Variants in PCDHB1 observed in about 807,000 individuals in gnomAD.
PCDHB1 encodes protocadherin beta-1.
In PCDHB1, 44 loss-of-function variants were observed where a neutral mutation model predicts 43.5. That is an observed-to-expected ratio of 1.01 (90% CI 0.79 to 1.30). PCDHB1 has a LOEUF of 1.30. Ranked by LOEUF, PCDHB1 falls within the 50% of genes most tolerant of loss-of-function variation. The pLI is 0.00. For synonymous variants in PCDHB1, 392 were observed against 400.8 expected (o/e 0.98, Z 0.26); for missense variants, 919 against 1,008.9 (o/e 0.91, Z 1.21).
rs782672982 is a variant in PCDHB1 at position 141,052,896 on chromosome 5, G to A, written c.1426G>A (p.Ala476Thr). Residue 476 changes from alanine to threonine, a missense_variant, in exon 1 of 1, where the codon GCT becomes ACT. By Grantham distance (58) the Ala-to-Thr change is moderately conservative. Coordinates refer to ENST00000306549, the MANE Select transcript of PCDHB1 (RefSeq NM_013340.4). Reference sequence around the variant, plus strand: ...TGCGGTTTTTATTGGCAAAGTCCATGCTGAGGATCTTGATTTGGGTGAGAA... The same window carrying A: ...TGCGGTTTTTATTGGCAAAGTCCATACTGAGGATCTTGATTTGGGTGAGAA... ...SPAVFIGKVH[A>T]EDLDLGENAQ... 6.2e-7 allele frequency: 1 copy of A among 1,614,190 alleles called. No homozygotes were observed. The highest frequency in any genetic ancestry group is 1.7e-5 in the Admixed American group (1 of 60,024).
In PCDHB1 at chr5:141,053,642, C is replaced by G; in HGVS notation, c.2172C>G (p.Phe724Leu). 6.2e-7 allele frequency: 1 copy of G among 1,614,072 alleles called. No individual in the cohort carries two copies. The highest frequency in any genetic ancestry group is 8.5e-7 in the Non-Finnish European group (1 of 1,179,956). ...VYQKIKYREK[F>L]TIQEHFYDDC... is the part of the protein sequence containing the mutation. ...AAAAGATTAAATATAGAGAAAAGTTCACAATTCAAGAGCATTTCTATGATG... is the reference window on the plus strand; with the variant it reads ...AAAAGATTAAATATAGAGAAAAGTTGACAATTCAAGAGCATTTCTATGATG... Residue 724 changes from phenylalanine to leucine, a missense_variant, in exon 1 of 1, where the codon TTC becomes TTG. Physicochemically the swap from Phe to Leu is conservative, Grantham distance 22. Transcript: ENST00000306549.
At position 141,053,751 on chromosome 5, in the gene PCDHB1, A is replaced by C; in HGVS notation, c.2281A>C (p.Thr761Pro). The C allele has an allele frequency of 6.2e-7, 1 of 1,614,236 alleles. No homozygotes were observed. The highest frequency in any genetic ancestry group is 8.5e-7 in the Non-Finnish European group (1 of 1,180,018). ...TTGTCCATATGAAATGTGTTCAGCC[A>C]CTGGCACTGGTAATAGTGAGTTTCG... The part of the protein sequence containing the change: ...RPCPYEMCSA[T>P]GTGNSEFRFL... The change falls in exon 1 of 1, where the codon ACT becomes CCT. Residue 761 changes from threonine (T) to proline (P), a missense_variant. By Grantham distance (38) the Thr-to-Pro change is conservative. Coordinates refer to ENST00000306549, the MANE Select transcript of PCDHB1 (RefSeq NM_013340.4).
chr5:141,051,519 C>T lies in PCDHB1; in HGVS notation c.49C>T (p.Leu17Phe). Residue 17 changes from leucine to phenylalanine, a missense_variant, in exon 1 of 1, where the codon CTT becomes TTT. By Grantham distance (22) the Leu-to-Phe change is conservative. Coordinates refer to ENST00000306549, the MANE Select transcript of PCDHB1 (RefSeq NM_013340.4). Reference sequence around the variant, plus strand: ...TTTGCAAAACAGGCAAGTGGGATCTCTTCTCATTTTTCTGTGCATATCTGT... The same window carrying T: ...TTTGCAAAACAGGCAAGTGGGATCTTTTCTCATTTTTCTGTGCATATCTGT... ...KSLQNRQVGSLLIFLCISVGD... is the reference protein window; with the variant it reads ...KSLQNRQVGSFLIFLCISVGD... The T allele has an allele frequency of 6.2e-7, 1 of 1,614,222 alleles. No homozygotes were observed. Among genetic ancestry groups the T allele is most frequent in the East Asian group, 2.2e-5 (1 of 44,878 alleles).
rs1457619501 is a variant in PCDHB1 at position 141,053,165 on chromosome 5, A to G, written c.1695A>G (p.Pro565=). The G allele has an allele frequency of 1.9e-6, 3 of 1,614,038 alleles. No homozygotes were observed. The highest frequency in any genetic ancestry group is 8.5e-7 in the Non-Finnish European group (1 of 1,180,034). Reference sequence around the variant, plus strand: ...ACAATCGTCCAATGATCTTATACCCACTGCAGAACGGCACCTTGCCCTGCA... The same window carrying G: ...ACAATCGTCCAATGATCTTATACCCGCTGCAGAACGGCACCTTGCCCTGCA... ...DNDNRPMILY[P]LQNGTLPCND... The change falls in exon 1 of 1, where the codon CCA becomes CCG. Residue 565 remains proline (P), a synonymous_variant. Transcript: ENST00000306549.
At position 141,052,551 on chromosome 5, in the gene PCDHB1, C is replaced by A. The variant is rs1554267271; in HGVS notation, c.1081C>A (p.Pro361Thr). Residue 361 changes from proline (P) to threonine (T), a missense_variant, in exon 1 of 1, where the codon CCA becomes ACA. Pro to Thr is a conservative substitution (Grantham distance 38, BLOSUM62 -1). Coordinates refer to ENST00000306549, the MANE Select transcript of PCDHB1 (RefSeq NM_013340.4). ...SVSSPLPEDS[P>T]PQTVVALFTI... ...GTCCAGCCCACTCCCTGAAGACTCA[C>A]CACCACAGACAGTAGTAGCCCTTTT... is the stretch of plus-strand genomic sequence containing the variant. 6.2e-7 allele frequency: 1 copy of A among 1,614,164 alleles called. No homozygotes were observed. Among genetic ancestry groups the A allele is most frequent in the South Asian group, 1.1e-5 (1 of 91,080 alleles).
rs1467799970 is a variant in PCDHB1, at chr5:141,056,175, G to A, written c.*2248G>A. On this transcript the variant is annotated 3_prime_UTR_variant, in exon 1 of 1. Transcript: ENST00000306549. ...ACATCCTCTTGGTATTTTAAGGGTA[G>A]AGCATTATCTTTTAAAATACTTCTT... 1 of 152,084 alleles carries A rather than the reference G, an allele frequency of 6.6e-6. No homozygotes were observed. Among genetic ancestry groups the A allele is most frequent in the Non-Finnish European group, 1.5e-5 (1 of 68,010 alleles). The allele number at this position is 152,084 out of a possible 1,614,324, so 9.4% of individuals were successfully genotyped here. A position where few individuals can be genotyped will look rare whatever the true frequency, so the allele number is the denominator to read the frequency against.
Position 141,058,491 on chromosome 5 carries a change from T to C in PCDHB1, c.*4564T>C, listed in dbSNP as rs2338246. 2.1e-5 allele frequency: 3 copies of C among 146,048 alleles called. No individual in the cohort carries two copies. Among genetic ancestry groups the C allele is most frequent in the African/African-American group, 4.9e-5 (2 of 40,846 alleles). 9.0% of individuals were successfully genotyped at this position (146,048 alleles called of 1,614,324 possible). A position where few individuals can be genotyped will look rare whatever the true frequency, so the allele number is the denominator to read the frequency against. On this transcript the variant is annotated 3_prime_UTR_variant, in exon 1 of 1. Coordinates refer to ENST00000306549, the MANE Select transcript of PCDHB1 (RefSeq NM_013340.4). ...CACTACTGGTGATATTAATCTTTTT[T>C]CTTTTATTGTGGTAAAGAACTTATA...
Position 141,052,976 on chromosome 5 carries a change from T to G in PCDHB1, c.1506T>G (p.Phe502Leu), listed in dbSNP as rs201337487. 21 of 1,614,204 alleles carry G rather than the reference T, an allele frequency of 1.3e-5. 1 individual carries two copies. In the African/African-American group the frequency reaches 2.1e-4, roughly 16 times the overall value. The change falls in exon 1 of 1, where the codon TTT becomes TTG. Residue 502 changes from phenylalanine to leucine, a missense_variant. Physicochemically the swap from Phe to Leu is conservative, Grantham distance 22. Coordinates refer to ENST00000306549, the MANE Select transcript of PCDHB1 (RefSeq NM_013340.4). ...CAAAAAACGGAGATCTTTCAGTCTTTGCTTACATATCCATAAATTCAGGCA... is the reference window on the plus strand; with the variant it reads ...CAAAAAACGGAGATCTTTCAGTCTTGGCTTACATATCCATAAATTCAGGCA... ...LPPKNGDLSV[F>L]AYISINSGNG...
Position 141,053,502 on chromosome 5 carries a change from A to G in PCDHB1, c.2032A>G (p.Thr678Ala). 2 of 1,614,196 alleles carry G rather than the reference A, an allele frequency of 1.2e-6. No homozygotes were observed. The highest frequency in any genetic ancestry group is 1.7e-6 in the Non-Finnish European group (2 of 1,180,032). The part of the protein sequence containing the change: ...SEPYLQFQDP[T>A]KHSRKVNPST... ...GCCCTACCTGCAGTTCCAGGATCCA[A>G]CCAAGCATTCTAGAAAGGTAAATCC... is the stretch of plus-strand genomic sequence containing the variant. Residue 678 changes from threonine (T) to alanine (A), a missense_variant, in exon 1 of 1, where the codon ACC becomes GCC. Coordinates refer to ENST00000306549, the MANE Select transcript of PCDHB1 (RefSeq NM_013340.4).
Position 141,052,229 on chromosome 5 carries a change from G to A in PCDHB1, c.759G>A (p.Glu253=), listed in dbSNP as rs137926825. The A allele has an allele frequency of 1.1e-5, 18 of 1,614,076 alleles. No homozygotes were observed. In the African/African-American group the frequency reaches 2.3e-4, roughly 20 times the overall value. Residue 253 remains glutamate, a synonymous_variant, in exon 1 of 1, where the codon GAG becomes GAA. Transcript: ENST00000306549. The stretch of plus-strand genomic sequence containing the variant: ...TGGTGTACAGAGCCCAGGTATCAGA[G>A]AACAGCCCCAATGGCTCTTTGGTGG... The part of the protein sequence containing the change: ...SRLVYRAQVS[E]NSPNGSLVAT...
rs1751120237 is a variant in PCDHB1 at position 141,055,757 on chromosome 5, T to G, written c.*1830T>G. 1 of 152,114 alleles carries G rather than the reference T, an allele frequency of 6.6e-6. No homozygotes were observed. Among genetic ancestry groups the G allele is most frequent in the East Asian group, 1.9e-4 (1 of 5,186 alleles). The allele number at this position is 152,114 out of a possible 1,614,324, so 9.4% of individuals were successfully genotyped here. A position where few individuals can be genotyped will look rare whatever the true frequency, so the allele number is the denominator to read the frequency against. On this transcript the variant is annotated 3_prime_UTR_variant, in exon 1 of 1. Transcript: ENST00000306549. ...AAATCATTCATAAAATGAAATGGAGTGGGGAGACAACTTAAGCTTCTCTTT... is the reference window on the plus strand; with the variant it reads ...AAATCATTCATAAAATGAAATGGAGGGGGGAGACAACTTAAGCTTCTCTTT...
At position 141,059,219 on chromosome 5, in the gene PCDHB1, T is replaced by C. The variant is rs1232730965; in HGVS notation, c.*5292T>C. The stretch of plus-strand genomic sequence containing the variant: ...AGACATGTTTATATAGTTTAAGCTA[T>C]ATATACCTGAGATACTATTTAAAAA... On this transcript the variant is annotated 3_prime_UTR_variant, in exon 1 of 1. Transcript: ENST00000306549. 48 of 152,274 alleles carry C rather than the reference T, an allele frequency of 3.2e-4. No individual in the cohort carries two copies. The highest frequency in any genetic ancestry group is 3.0e-3 in the Admixed American group (46 of 15,292). 9.4% of individuals were successfully genotyped at this position (152,274 alleles called of 1,614,324 possible).
rs1554267451 is a variant in PCDHB1, at chr5:141,053,394, A to G, written c.1924A>G (p.Ile642Val). 1.9e-6 allele frequency: 3 copies of G among 1,614,200 alleles called. No individual in the cohort carries two copies. The highest frequency in any genetic ancestry group is 2.7e-5 in the African/African-American group (2 of 75,054). ...SERDPMMQKL[I>V]ILVQDHGQPA... ...GAGAGACCCCATGATGCAGAAATTG[A>G]TCATTCTTGTTCAGGATCACGGCCA... The change falls in exon 1 of 1, where the codon ATC becomes GTC. Residue 642 changes from isoleucine (I) to valine (V), a missense_variant. Coordinates refer to ENST00000306549, the MANE Select transcript of PCDHB1 (RefSeq NM_013340.4).
Position 141,056,484 on chromosome 5 carries a change from A to G in PCDHB1, c.*2557A>G, listed in dbSNP as rs1366653547. 1 of 152,216 alleles carries G rather than the reference A, an allele frequency of 6.6e-6. No homozygotes were observed. The highest frequency in any genetic ancestry group is 1.5e-5 in the Non-Finnish European group (1 of 68,022). The allele number at this position is 152,216 out of a possible 1,614,324, so 9.4% of individuals were successfully genotyped here. ...ATACATTGAGTTATGATTCCGATTTAGAGTAAAGGTTTTCTTGCACAAAAC... is the reference window on the plus strand; with the variant it reads ...ATACATTGAGTTATGATTCCGATTTGGAGTAAAGGTTTTCTTGCACAAAAC... On this transcript the variant is annotated 3_prime_UTR_variant, in exon 1 of 1. Transcript: ENST00000306549.
rs1751157977 is a variant in PCDHB1, at chr5:141,057,540, C to CAAAAAAAAAAAAAAAAAGAAAA, written c.*3630_*3631insGAAAAAAAAAAAAAAAAAAAAA. The stretch of plus-strand genomic sequence containing the variant: ...CTGGCGACAAAGCAAGACTCTGTCT[C>CAAAAAAAAAAAAAAAAAGAAAA]AAAAAAAAAAAAAAAAAAGAAAAAA... On this transcript the variant is annotated 3_prime_UTR_variant, in exon 1 of 1. Transcript: ENST00000306549. 1.4e-5 allele frequency: 1 copy of CAAAAAAAAAAAAAAAAAGAAAA among 72,356 alleles called. No individual in the cohort carries two copies. Among genetic ancestry groups the CAAAAAAAAAAAAAAAAAGAAAA allele is most frequent in the African/African-American group, 5.1e-5 (1 of 19,556 alleles). 4.5% of individuals were successfully genotyped at this position (72,356 alleles called of 1,614,324 possible).
chr5:141,052,203 C>A lies in PCDHB1; in HGVS notation c.733C>A (p.Leu245Met). The change falls in exon 1 of 1, where the codon CTG becomes ATG. Residue 245 changes from leucine (L) to methionine (M), a missense_variant. Physicochemically the swap from Leu to Met is conservative, Grantham distance 15. Transcript: ENST00000306549. The stretch of plus-strand genomic sequence containing the variant: ...CGACCACGTGCCCCAGTTCTCGCGA[C>A]TGGTGTACAGAGCCCAGGTATCAGA... ...VNDHVPQFSR[L>M]VYRAQVSENS... The A allele has an allele frequency of 6.2e-7, 1 of 1,614,170 alleles. No homozygotes were observed. The highest frequency in any genetic ancestry group is 8.5e-7 in the Non-Finnish European group (1 of 1,180,028).
chr5:141,051,664 G>C lies in PCDHB1; in HGVS notation c.194G>C (p.Arg65Pro). 6.2e-7 allele frequency: 1 copy of C among 1,614,234 alleles called. No homozygotes were observed. The highest frequency in any genetic ancestry group is 8.5e-7 in the Non-Finnish European group (1 of 1,180,044). ...EVGKLAARGA[R>P]LVSEGNKMHF... ...GGGAAGCTGGCTGCGCGCGGGGCGC[G>C]GCTGGTTTCCGAGGGCAACAAAATG... The change falls in exon 1 of 1, where the codon CGG becomes CCG. Residue 65 changes from arginine to proline, a missense_variant. Physicochemically the swap from Arg to Pro is moderately radical, Grantham distance 103 (BLOSUM62 -2). Coordinates refer to ENST00000306549, the MANE Select transcript of PCDHB1 (RefSeq NM_013340.4).
In PCDHB1 at chr5:141,053,021, G is replaced by A. The variant is rs782195352; in HGVS notation, c.1551G>A (p.Leu517=). 5.6e-6 allele frequency: 9 copies of A among 1,614,118 alleles called. No homozygotes were observed. Among genetic ancestry groups the A allele is most frequent in the Admixed American group, 5.0e-5 (3 of 60,012 alleles). The change falls in exon 1 of 1, where the codon CTG becomes CTA. Residue 517 remains leucine, a synonymous_variant. Transcript: ENST00000306549. ...INSGNGKLYA[L]RTMDYEAIQD... ...CAGGCAATGGGAAGCTCTACGCGCTGAGAACCATGGATTATGAGGCCATTC... is the reference window on the plus strand; with the variant it reads ...CAGGCAATGGGAAGCTCTACGCGCTAAGAACCATGGATTATGAGGCCATTC...
rs1554267196 is a variant in PCDHB1, at chr5:141,052,164, G to A, written c.694G>A (p.Val232Ile). ...TGGCACAGCTCACATCCACGTGGTGGTTCTGGATGTCAACGACCACGTGCC... is the reference window on the plus strand; with the variant it reads ...TGGCACAGCTCACATCCACGTGGTGATTCTGGATGTCAACGACCACGTGCC... ...KSGTAHIHVV[V>I]LDVNDHVPQF... is the part of the protein sequence containing the mutation. Residue 232 changes from valine to isoleucine, a missense_variant, in exon 1 of 1, where the codon GTT becomes ATT. By Grantham distance (29) the Val-to-Ile change is conservative. Coordinates refer to ENST00000306549, the MANE Select transcript of PCDHB1 (RefSeq NM_013340.4). 6.2e-7 allele frequency: 1 copy of A among 1,613,938 alleles called. No individual in the cohort carries two copies. Among genetic ancestry groups the A allele is most frequent in the African/African-American group, 1.3e-5 (1 of 75,044 alleles).
Sources: gnomAD v4.1 joint callset for allele counts on GRCh38, gnomAD v4.1.1 for gene constraint, MANE v1.5 for transcripts, NCBI Gene and HGNC (gene_info 2026-07-23, HGNC 2026-07-21) for gene names.